The following SYN2 variants were observed in gnomAD, a reference collection of about 807,000 sequenced individuals.
SYN2 encodes synapsin-2.
In SYN2, 19 loss-of-function variants were observed where a neutral mutation model predicts 50.9. The observed-to-expected ratio is 0.37, with a 90% CI of 0.26 to 0.55. The LOEUF (loss-of-function observed/expected upper bound fraction) is 0.55, where lower values mean the gene tolerates loss of function less well. Ranked by LOEUF, SYN2 falls within the 20% of genes least tolerant of loss-of-function variation. The pLI is 0.81. For synonymous variants in SYN2, 255 were observed against 224.9 expected (o/e 1.13, Z -1.20); for missense variants, 587 against 576.4 (o/e 1.02, Z -0.19).
chr3:12,009,964 G>A (rs1267381024), intron 1 of SYN2, among the ~76,000 whole-genome samples: 1 of 152,264 alleles, frequency 6.6e-6, no homozygotes, highest in African/African-American at 2.4e-5. Flanking sequence ...TTGTTGCGGT[G>A]TGTGCCTGTA....
chr3:12,190,861 G>A lies in SYN2; in HGVS notation c.*236G>A. 7.8e-7 allele frequency: 1 copy of A among 1,288,048 alleles called. No homozygotes were observed. Among genetic ancestry groups the A allele is most frequent in the Non-Finnish European group, 9.8e-7 (1 of 1,020,446 alleles). 79.8% of individuals were successfully genotyped at this position (1,288,048 alleles called of 1,614,324 possible). ...TCAGAGAGGAAAGAGCTGCTTCCCT[G>A]TAGTCATGAGAGCTTCCTTCTGAAG... On this transcript the variant is annotated 3_prime_UTR_variant, in exon 13 of 13. Coordinates refer to ENST00000621198, the MANE Select transcript of SYN2 (RefSeq NM_133625.6).
intron 4 of SYN2, among the ~76,000 whole-genome samples, chr3:12,150,859 G>A (rs1697268725): frequency 6.6e-6 from 1 of 152,102 alleles, no homozygotes; most frequent in Admixed American, 6.5e-5. Context: ...ATCACTCAGA[G>A]ATGCAGGTGT....
Position 12,126,834 on chromosome 3 carries a change from C to T in SYN2, c.378-13817C>T, listed in dbSNP as rs531915122. On this transcript the variant is annotated intron_variant, in intron 1 of 12. Transcript: ENST00000621198. ...AATAGATATTAGTTGATATTAATTT[C>T]ATTGCAGTTATAATTTTGGTGCTTG... is the stretch of plus-strand genomic sequence containing the variant. Among the ~76,000 whole-genome samples the T allele has an allele frequency of 3.9e-5, 6 of 152,324 alleles. No individual in the cohort carries two copies. The East Asian group carries it at 1.2e-3, about 29-fold the overall frequency.
At chr3:12,009,879 T>C (rs1693880125) in intron 1 of SYN2, among the ~76,000 whole-genome samples, 1 of 152,148 alleles carries the variant, frequency 6.6e-6, no homozygotes, top group South Asian at 2.1e-4. Flanking sequence ...GGTAGGCAGG[T>C]TGCCTGAGCT....
chr3:12,176,043 C>T (rs890509082), intron 10 of SYN2, among the ~76,000 whole-genome samples: 1 of 152,230 alleles, frequency 6.6e-6, no homozygotes. Flanking sequence ...GGCAGTGACA[C>T]CTGGTGGTCA....
chr3:12,041,751 C>T (rs964401108), intron 1 of SYN2, among the ~76,000 whole-genome samples: 2 of 152,178 alleles, frequency 1.3e-5, no homozygotes, highest in Non-Finnish European at 2.9e-5. Context: ...AGTTGCCACT[C>T]CTGTGCATCA....
At chr3:12,065,414 C>G (rs541710565) in intron 1 of SYN2, among the ~76,000 whole-genome samples, 1 of 152,062 alleles carries the variant, frequency 6.6e-6, no homozygotes, top group Non-Finnish European at 1.5e-5. Flanking sequence ...ATATGTTTGT[C>G]GTAGCACTAT....
intron 11 of SYN2, chr3:12,185,574 G>T (rs964109853): frequency 1.0e-4 from 100 of 985,768 alleles, no homozygotes; most frequent in East Asian, 1.1e-4. Context: ...TGCCATTCAG[G>T]TGTTTTGTAC....
chr3:12,172,464 G>A lies in SYN2; in HGVS notation c.1308+2558G>A, dbSNP rs150417339. ...ACAGTTACAGTATATTATGGGGAAC[G>A]GATACAGATCAAAACTAAGCCAAAG... On this transcript the variant is annotated intron_variant, in intron 10 of 12. Transcript: ENST00000621198. Among the ~76,000 whole-genome samples, 86 of 152,270 alleles carry A rather than the reference G, an allele frequency of 5.6e-4. No individual in the cohort carries two copies. In the East Asian group the frequency reaches 0.01, roughly 18 times the overall value.
At chr3:12,167,565 T>C (rs886428419) in intron 8 of SYN2, among the ~76,000 whole-genome samples, 4 of 152,148 alleles carry the variant, frequency 2.6e-5, no homozygotes, top group African/African-American at 7.2e-5. Context: ...GCACCATGCT[T>C]TTTGTACAGT....
chr3:12,098,413 G>A (rs1162016501), intron 1 of SYN2, among the ~76,000 whole-genome samples: 1 of 152,106 alleles, frequency 6.6e-6, no homozygotes, highest in Non-Finnish European at 1.5e-5. Flanking sequence ...TATGATAATA[G>A]CACAAAGGAT....
Position 12,190,940 on chromosome 3 carries a change from ATTC to A in SYN2, c.*319_*321del. ...TATTGTGACAGTGCCATCATGTCTT[ATTC>A]TTCCCTGTGAAACCAGGATTAATCG... On this transcript the variant is annotated 3_prime_UTR_variant, in exon 13 of 13. Transcript: ENST00000621198. 1 of 1,085,582 alleles carries A rather than the reference ATTC, an allele frequency of 9.2e-7. No individual in the cohort carries two copies. The highest frequency in any genetic ancestry group is 1.1e-6 in the Non-Finnish European group (1 of 895,040). The allele number at this position is 1,085,582 out of a possible 1,614,324, so 67.2% of individuals were successfully genotyped here.
rs1045834059 is a variant in SYN2, at chr3:12,191,695, A to G, written c.*1070A>G. On this transcript the variant is annotated 3_prime_UTR_variant, in exon 13 of 13. Coordinates refer to ENST00000621198, the MANE Select transcript of SYN2 (RefSeq NM_133625.6). ...CTTCAGCAACTCAGCGTTTCTACCTATATTACGGACTTTGTAACCTTTCAA... is the reference window on the plus strand; with the variant it reads ...CTTCAGCAACTCAGCGTTTCTACCTGTATTACGGACTTTGTAACCTTTCAA... Among the ~76,000 whole-genome samples, 9 of 152,194 alleles carry G rather than the reference A, an allele frequency of 5.9e-5. No homozygotes were observed. Among genetic ancestry groups the G allele is most frequent in the East Asian group, 1.9e-4 (1 of 5,206 alleles).
chr3:12,009,447 C>T (rs991833975), intron 1 of SYN2, among the ~76,000 whole-genome samples: 6 of 151,776 alleles, frequency 4.0e-5, no homozygotes, highest in Non-Finnish European at 8.8e-5. Flanking sequence ...GACTTTTAGT[C>T]TCATAATGAT....
chr3:12,166,627 G>C (rs1185127316), intron 7 of SYN2, among the ~76,000 whole-genome samples: 1 of 152,214 alleles, frequency 6.6e-6, no homozygotes, highest in Admixed American at 6.5e-5. Flanking sequence ...ACCCTGAAGA[G>C]TTAATTGACT....
intron 1 of SYN2, among the ~76,000 whole-genome samples, chr3:12,034,118 A>G (rs1378596565): frequency 1.3e-5 from 2 of 152,244 alleles, no homozygotes; most frequent in Non-Finnish European, 2.9e-5. Context: ...ACTGTTTTCC[A>G]AAGTGGTTGC....
At chr3:12,158,077 G>T (rs1697510199) in intron 5 of SYN2, among the ~76,000 whole-genome samples, 1 of 152,102 alleles carries the variant, frequency 6.6e-6, no homozygotes, top group African/African-American at 2.4e-5. Flanking sequence ...TGATCTAGTG[G>T]AGTGCACACG....
chr3:12,055,960 C>G (rs901426520), intron 1 of SYN2, among the ~76,000 whole-genome samples: 6 of 152,162 alleles, frequency 3.9e-5, no homozygotes, highest in African/African-American at 1.2e-4. Context: ...CAAGCCTCTG[C>G]GTCCAGCTGC....
intron 5 of SYN2, chr3:12,156,865 C>A (rs551555922): frequency 1.2e-6 from 2 of 1,614,154 alleles, no homozygotes; most frequent in African/African-American, 1.3e-5. Context: ...AGTTTCACAC[C>A]ACAGAGGGAA....
Sources: gnomAD v4.1 joint callset for allele counts (sites outside exome capture counted in the v4.1 genomes callset) on GRCh38, gnomAD v4.1.1 for gene constraint, MANE v1.5 for transcripts, NCBI Gene and HGNC (gene_info 2026-07-23, HGNC 2026-07-21) for gene names.